LRIG2: variants seen among roughly 807,000 people sequenced by gnomAD.
The protein encoded by LRIG2 is leucine rich repeats and immunoglobulin like domains 2.
A neutral mutation model predicts 107.8 loss-of-function variants in LRIG2; 93 were observed. The observed-to-expected ratio is 0.86, with a 90% CI of 0.73 to 1.03. The LOEUF (loss-of-function observed/expected upper bound fraction) is 1.03. Among genes scored for constraint, LRIG2 ranks in the 50% least tolerant of loss-of-function variants. The pLI is 0.00. For missense variants in LRIG2, 1,226 were observed against 1,296.0 expected (o/e 0.95, Z 0.83); for synonymous variants, 471 against 470.6 (o/e 1.00, Z -0.01).
chr1:113,130,050 T>G lies in LRIG2; in HGVS notation c.*5949T>G, dbSNP rs916361378. 6.6e-6 allele frequency: 1 copy of G among 152,168 alleles called. No individual in the cohort carries two copies. The highest frequency in any genetic ancestry group is 6.6e-5 in the Admixed American group (1 of 15,264). The allele number at this position is 152,168 out of a possible 1,614,324, so 9.4% of individuals were successfully genotyped here. A position where few individuals can be genotyped will look rare whatever the true frequency, so the allele number is the denominator to read the frequency against. Reference sequence around the variant, plus strand: ...GAGTAGCTGTGCCACCACACCCGGCTAATTTTTGTATTTTTTGTAGAGATG... The same window carrying G: ...GAGTAGCTGTGCCACCACACCCGGCGAATTTTTGTATTTTTTGTAGAGATG... On this transcript the variant is annotated 3_prime_UTR_variant, in exon 18 of 18. Coordinates refer to ENST00000361127, the MANE Select transcript of LRIG2 (RefSeq NM_014813.3).
At chr1:113,086,574 C>T (rs904823926) in intron 1 of LRIG2, among the ~76,000 whole-genome samples, 4 of 152,030 alleles carry the variant, frequency 2.6e-5, no homozygotes, top group Admixed American at 6.6e-5. Context: ...CGAAGAAAAC[C>T]CCTCCATTTC....
At chr1:113,073,820 C>T (rs1652826028) in intron 1 of LRIG2, among the ~76,000 whole-genome samples, 175 bp downstream of exon 1, 1 of 151,806 alleles carries the variant, frequency 6.6e-6, no homozygotes, top group Non-Finnish European at 1.5e-5. Context: ...CCTAAAAAAG[C>T]CGGTGTTAAG....
At chr1:113,098,381 C>T (rs1445510895) in intron 8 of LRIG2, among the ~76,000 whole-genome samples, 1 of 152,250 alleles carries the variant, frequency 6.6e-6, no homozygotes, top group East Asian at 1.9e-4. Flanking sequence ...TTTTCAGGAC[C>T]CTGTTTATAA....
At position 113,129,309 on chromosome 1, in the gene LRIG2, C is replaced by CAAAAAAAAAAAAAAAAAAA. The variant is rs34766169; in HGVS notation, c.*5209_*5227dup. The stretch of plus-strand genomic sequence containing the variant: ...CTGGTGACAGAGTGAGACTCCGTCT[C>CAAAAAAAAAAAAAAAAAAA]AAAAAAAAAAAAAAAAAAACCCGTG... On this transcript the variant is annotated 3_prime_UTR_variant, in exon 18 of 18. Transcript: ENST00000361127. 2.3e-5 allele frequency: 2 copies of CAAAAAAAAAAAAAAAAAAA among 87,642 alleles called. 1 individual carries two copies. The allele number at this position is 87,642 out of a possible 1,614,324, so 5.4% of individuals were successfully genotyped here.
intron 17 of LRIG2, among the ~76,000 whole-genome samples, chr1:113,123,312 C>T (rs1251615106): frequency 2.6e-5 from 4 of 152,136 alleles, no homozygotes; most frequent in South Asian, 2.1e-4. Context: ...CGGTGGCTCA[C>T]GCCTGTAATC....
chr1:113,110,299 G>A lies in LRIG2; in HGVS notation c.1535G>A (p.Gly512Asp). ...THPETIIALRGMNVTLTCTAV... is the reference protein window; with the variant it reads ...THPETIIALRDMNVTLTCTAV... ...CCTGAAACCATAATTGCTCTAAGAG[G>A]CATGAATGTGACTCTGACGTGCACT... The change falls in exon 13 of 18, where the codon GGC becomes GAC. Residue 512 changes from glycine (G) to aspartate (D), a missense_variant. Around this residue, in one of 3 missense-constraint regions of LRIG2, gnomAD observed 642 missense variants for 712.2 expected, o/e 0.90. Transcript: ENST00000361127. The A allele has an allele frequency of 1.9e-6, 3 of 1,614,046 alleles. No homozygotes were observed. The highest frequency in any genetic ancestry group is 2.2e-5 in the East Asian group (1 of 44,880).
rs547931670 is a variant in LRIG2, at chr1:113,106,661, C to T, written c.1314-933C>T. On this transcript the variant is annotated intron_variant, in intron 11 of 17. Coordinates refer to ENST00000361127, the MANE Select transcript of LRIG2 (RefSeq NM_014813.3). Reference sequence around the variant, plus strand: ...CTGGGATTATAGGTGCCATCCACCACGCCCAGCTAATTTTTGTATTTTTAG... The same window carrying T: ...CTGGGATTATAGGTGCCATCCACCATGCCCAGCTAATTTTTGTATTTTTAG... 2.1e-3 allele frequency among the ~76,000 whole-genome samples: 325 copies of T among 152,082 alleles called. 1 individual carries two copies. The highest frequency in any genetic ancestry group is 2.8e-3 in the Non-Finnish European group (191 of 67,994).
chr1:113,123,782 G>C, intron 17 of LRIG2, 93 bp from the exon 18 acceptor site: 1 of 822,754 alleles, frequency 1.2e-6, no homozygotes, highest in East Asian at 2.7e-5. Flanking sequence ...CCCTATTCAG[G>C]AATATTGAAC....
chr1:113,120,651 C>T (rs1655209578), intron 17 of LRIG2, among the ~76,000 whole-genome samples: 1 of 151,622 alleles, frequency 6.6e-6, no homozygotes, highest in African/African-American at 2.4e-5. Context: ...GCTGGGATTA[C>T]AGGCATGTGC....
In LRIG2 at chr1:113,100,193, G is replaced by C. The variant is rs41283100; in HGVS notation, c.1173-18G>C. On this transcript the variant is annotated intron_variant, in intron 9 of 17. Transcript: ENST00000361127. ...GTTTAGTGGAGAGCTTTCTTAGAAAGATCTGTTTATATTTCAGAATCTTAC... is the reference window on the plus strand; with the variant it reads ...GTTTAGTGGAGAGCTTTCTTAGAAACATCTGTTTATATTTCAGAATCTTAC... 0.05 allele frequency: 73,047 copies of C among 1,459,454 alleles called. 2,300 individuals carry two copies. The highest frequency in any genetic ancestry group is 0.057 in the Non-Finnish European group (60,706 of 1,062,526). 90.4% of individuals were successfully genotyped at this position (1,459,454 alleles called of 1,614,324 possible).
chr1:113,083,218 CTTTTTTTT>C (rs11321902), intron 1 of LRIG2, among the ~76,000 whole-genome samples: 1 of 112,366 alleles, frequency 8.9e-6, no homozygotes, highest in African/African-American at 3.2e-5. Context: ...CTACTGCACA[CTTTTTTTT>C]TTTTTTTTTT....
At chr1:113,100,371 C>A in intron 10 of LRIG2, 49 bp from the exon 11 acceptor site, 1 of 1,434,072 alleles carries the variant, frequency 7.0e-7, no homozygotes, top group Non-Finnish European at 9.8e-7. Context: ...GTTTATGTAA[C>A]TTGATATAGA....
In LRIG2 at chr1:113,099,499, C is replaced by G. The variant is rs1437542047; in HGVS notation, c.1173-712C>G. Among the ~76,000 whole-genome samples, 4 of 151,818 alleles carry G rather than the reference C, an allele frequency of 2.6e-5. No individual in the cohort carries two copies. The East Asian group carries it at 7.8e-4, about 30-fold the overall frequency. ...AAGTGATCCTCCCACCTTGGCCTCCCAAAGTGCTGGGATTATAGGCATGAG... is the reference window on the plus strand; with the variant it reads ...AAGTGATCCTCCCACCTTGGCCTCCGAAAGTGCTGGGATTATAGGCATGAG... On this transcript the variant is annotated intron_variant, in intron 9 of 17. Transcript: ENST00000361127.
At position 113,086,229 on chromosome 1, in the gene LRIG2, T is replaced by C. The variant is rs147985378; in HGVS notation, c.240-5089T>C. On this transcript the variant is annotated intron_variant, in intron 1 of 17. Transcript: ENST00000361127. ...CATGTTGGCAAGGCTGGTCTTGAAC[T>C]CCTGACCTCAGGTGATCCACACGCC... Among the ~76,000 whole-genome samples, 1,670 of 152,040 alleles carry C rather than the reference T, an allele frequency of 0.011. 69 individuals are homozygous for C. The East Asian group carries it at 0.12, about 11-fold the overall frequency.
intron 13 of LRIG2, among the ~76,000 whole-genome samples, chr1:113,111,761 G>T (rs935158074): frequency 6.7e-6 from 1 of 149,582 alleles, no homozygotes; most frequent in African/African-American, 2.4e-5. Context: ...ACTTTTGAAG[G>T]CATAAGTTTT....
At chr1:113,114,406 T>C (rs1654905096) in intron 14 of LRIG2, 21 bp from the exon 15 acceptor site, 2 of 1,501,404 alleles carry the variant, frequency 1.3e-6, no homozygotes, top group East Asian at 4.5e-5. Context: ...ATTTTTTTTT[T>C]TTTTAATGTT....
rs200394251 is a variant in LRIG2, at chr1:113,112,571, C to T, written c.1891C>T (p.Pro631Ser). 6.2e-7 allele frequency: 1 copy of T among 1,614,154 alleles called. No individual in the cohort carries two copies. Among genetic ancestry groups the T allele is most frequent in the Non-Finnish European group, 8.5e-7 (1 of 1,180,022 alleles). ...ATGTGCTGCAGAGGGACACCCTGCACCTCAGATTTCCTGGCAGAAAGATGG... is the reference window on the plus strand; with the variant it reads ...ATGTGCTGCAGAGGGACACCCTGCATCTCAGATTTCCTGGCAGAAAGATGG... ...LECAAEGHPAPQISWQKDGGT... is the reference protein window; with the variant it reads ...LECAAEGHPASQISWQKDGGT... The change falls in exon 14 of 18, where the codon CCT (proline) becomes TCT (serine). Residue 631 changes from proline (P) to serine (S), a missense_variant. Around this residue, in one of 3 missense-constraint regions of LRIG2, gnomAD observed 642 missense variants for 712.2 expected, o/e 0.90. Coordinates refer to ENST00000361127, the MANE Select transcript of LRIG2 (RefSeq NM_014813.3).
intron 16 of LRIG2, 136 bp from the exon 17 acceptor site, chr1:113,119,097 G>C: frequency 1.3e-6 from 1 of 751,742 alleles, no homozygotes; most frequent in Non-Finnish European, 2.2e-6. Context: ...GAAATGGCTT[G>C]AAACTTCACC....
At chr1:113,112,392 C>T in intron 13 of LRIG2, 87 bp from the exon 14 acceptor site, 1 of 1,179,588 alleles carries the variant, frequency 8.5e-7, no homozygotes, top group South Asian at 1.5e-5. Flanking sequence ...GGTGTCTTGC[C>T]TACTAGATTC....
Sources: gnomAD v4.1 joint callset for allele counts (sites outside exome capture counted in the v4.1 genomes callset) on GRCh38, gnomAD v4.1.1 for gene constraint, gnomAD v4.1.1 regional missense constraint, MANE v1.5 for transcripts, NCBI Gene and HGNC (gene_info 2026-07-23, HGNC 2026-07-21) for gene names.